The following RGS6 variants were observed in gnomAD, a reference collection of about 807,000 sequenced individuals.
RGS6 encodes the protein regulator of G protein signaling 6, also known as regulator of G-protein signaling 6.
RGS6 carries 30 observed loss-of-function variants against 78.5 expected under a neutral mutation model. That is an observed-to-expected ratio of 0.38 (90% CI 0.29 to 0.52). The LOEUF is 0.52. Among genes scored for constraint, RGS6 ranks in the 20% least tolerant of loss-of-function variants. RGS6 has a pLI of 0.85. For synonymous variants in RGS6, 206 were observed against 206.0 expected, an observed-to-expected ratio of 1.00 and a Z score of 0.00; for missense variants, 495 against 609.7, an observed-to-expected ratio of 0.81 and a Z score of 1.98.
chr14:72,041,185 CT>C (rs1407060676), intron 2 of RGS6, among the ~76,000 whole-genome samples: 2 of 152,136 alleles, frequency 1.3e-5, no homozygotes, highest in African/African-American at 2.4e-5. Context: ...TGAAAAACAA[CT>C]ACAACAACCA....
At chr14:71,947,114 A>G (rs1040152013) in intron 1 of RGS6, among the ~76,000 whole-genome samples, 7 of 152,132 alleles carry the variant, frequency 4.6e-5, no homozygotes, top group Non-Finnish European at 8.8e-5. Context: ...TTAGTGTACA[A>G]TTCTTATGCA....
chr14:72,346,033 A>C (rs1275142865), intron 2 of RGS6, among the ~76,000 whole-genome samples: 1 of 152,170 alleles, frequency 6.6e-6, no homozygotes, highest in East Asian at 1.9e-4. Flanking sequence ...CCAAAACAGA[A>C]GGGGTCTTTG....
intron 12 of RGS6, among the ~76,000 whole-genome samples, chr14:72,479,086 C>G (rs984766883): frequency 6.6e-6 from 1 of 152,158 alleles, no homozygotes; most frequent in Non-Finnish European, 1.5e-5. Flanking sequence ...TAAGTTGGGT[C>G]TTGGTATTTA....
upstream of RGS6, among the ~76,000 whole-genome samples, chr14:71,931,633 A>G (rs1312694785): frequency 6.6e-6 from 1 of 152,192 alleles, no homozygotes; most frequent in Non-Finnish European, 1.5e-5. Flanking sequence ...CTTGATATTG[A>G]TAGCATTGAT....
chr14:72,548,220 A>G (rs2097437352), intron 17 of RGS6, among the ~76,000 whole-genome samples: 1 of 152,028 alleles, frequency 6.6e-6, no homozygotes, highest in Non-Finnish European at 1.5e-5. Flanking sequence ...AAAGATCCAG[A>G]CCTCCAAAGT....
intron 2 of RGS6, among the ~76,000 whole-genome samples, chr14:72,188,544 C>T (rs750471498): frequency 2.0e-5 from 3 of 152,080 alleles, no homozygotes; most frequent in Non-Finnish European, 4.4e-5. Context: ...ACCAATAATC[C>T]CACTATTGTA....
At position 72,168,781 on chromosome 14, in the gene RGS6, G is replaced by T. The variant is rs146455749; in HGVS notation, c.85-183314G>T. ...GCTAGGACACATCTCCTGCTACCTTGGACCCCTTGCCCTGTGAGGAGGAGG... is the reference window on the plus strand; with the variant it reads ...GCTAGGACACATCTCCTGCTACCTTTGACCCCTTGCCCTGTGAGGAGGAGG... On this transcript the variant is annotated intron_variant, in intron 2 of 17. Coordinates refer to ENST00000553525, the MANE Select transcript of RGS6 (RefSeq NM_001204424.2). 1.2e-3 allele frequency among the ~76,000 whole-genome samples: 183 copies of T among 152,242 alleles called. 1 individual carries two copies. The highest frequency in any genetic ancestry group is 4.4e-3 in the African/African-American group (182 of 41,544).
At chr14:72,459,574 G>T (rs986789797) in intron 5 of RGS6, 58 bp from the exon 6 acceptor site, 12 of 1,564,252 alleles carry the variant, frequency 7.7e-6, no homozygotes, top group Non-Finnish European at 6.2e-6. Flanking sequence ...CCCTGGGTGT[G>T]GGAGGGAAGC....
intron 2 of RGS6, among the ~76,000 whole-genome samples, chr14:72,233,530 G>T (rs2283409): frequency 0.41 from 61,626 of 152,008 alleles, 13,501 homozygotes; most frequent in Middle Eastern, 0.6. Context: ...CACAGCCTCT[G>T]CATATGAAAT....
At chr14:72,260,794 G>A (rs1233483758) in intron 2 of RGS6, among the ~76,000 whole-genome samples, 1 of 152,198 alleles carries the variant, frequency 6.6e-6, no homozygotes, top group Non-Finnish European at 1.5e-5. Flanking sequence ...CCAACATACA[G>A]TATTTGATAG....
intron 2 of RGS6, among the ~76,000 whole-genome samples, chr14:72,146,491 A>T (rs906186583): frequency 2.6e-5 from 4 of 152,220 alleles, no homozygotes; most frequent in African/African-American, 9.6e-5. Context: ...TCAAGGCATG[A>T]TTCACCCTGA....
At chr14:71,958,606 CTTG>C (rs149595056) in intron 1 of RGS6, among the ~76,000 whole-genome samples, 19,589 of 152,078 alleles carry the variant, frequency 0.13, 1,541 homozygotes, top group East Asian at 0.19. Context: ...ACCCCAGAAC[CTTG>C]TTGTATCCAT....
chr14:72,615,576 T>C, the RGS6 span, among the ~76,000 whole-genome samples: 3,536 of 152,222 alleles, frequency 0.023, 147 homozygotes, highest in African/African-American at 0.081. Flanking sequence ...TCTTCCCCAG[T>C]TCTGGAGGAA....
chr14:72,410,471 C>T lies in RGS6; in HGVS notation c.185-44057C>T, dbSNP rs553999884. Among the ~76,000 whole-genome samples the T allele has an allele frequency of 5.3e-5, 8 of 152,220 alleles. No individual in the cohort carries two copies. The South Asian group carries it at 1.7e-3, about 32-fold the overall frequency. Reference sequence around the variant, plus strand: ...TCATTGTAGATTCTGGATATTAGCCCTTTGTCAGATGAATAGGTTGCAAAC... The same window carrying T: ...TCATTGTAGATTCTGGATATTAGCCTTTTGTCAGATGAATAGGTTGCAAAC... On this transcript the variant is annotated intron_variant, in intron 3 of 17. Transcript: ENST00000553525.
At chr14:72,332,863 G>C (rs946233434) in intron 2 of RGS6, among the ~76,000 whole-genome samples, 4 of 152,216 alleles carry the variant, frequency 2.6e-5, no homozygotes, top group Non-Finnish European at 4.4e-5. Context: ...AGAAGTCATA[G>C]AGATTGCAAG....
intron 2 of RGS6, among the ~76,000 whole-genome samples, chr14:72,203,376 C>T (rs2042008398): frequency 6.6e-6 from 1 of 152,190 alleles, no homozygotes; most frequent in Non-Finnish European, 1.5e-5. Flanking sequence ...TGTTAGTTAT[C>T]TATCGCTGTA....
rs558946790 is a variant in RGS6 at position 72,270,754 on chromosome 14, G to T, written c.85-81341G>T. On this transcript the variant is annotated intron_variant, in intron 2 of 17. Coordinates refer to ENST00000553525, the MANE Select transcript of RGS6 (RefSeq NM_001204424.2). ...TAAAGAATTTTATAATACATCAAAG[G>T]CCATGATTTTCTACCTTTCACGCAG... 7.0e-4 allele frequency among the ~76,000 whole-genome samples: 106 copies of T among 152,248 alleles called. 2 individuals carry two copies. Among genetic ancestry groups the T allele is most frequent in the East Asian group, 3.3e-3 (17 of 5,192 alleles).
intron 2 of RGS6, among the ~76,000 whole-genome samples, chr14:72,080,584 A>C (rs1174050819): frequency 6.6e-6 from 1 of 152,238 alleles, no homozygotes; most frequent in South Asian, 2.1e-4. Flanking sequence ...TGATCAAAAA[A>C]TTATTGCCCA....
At chr14:72,366,828 C>T (rs2082537007) in intron 3 of RGS6, among the ~76,000 whole-genome samples, 1 of 152,308 alleles carries the variant, frequency 6.6e-6, no homozygotes, top group African/African-American at 2.4e-5. Flanking sequence ...GGCAGAATGC[C>T]TGCCAGCCCC....
Sources: allele counts gnomAD v4.1 joint callset (sites outside exome capture counted in the v4.1 genomes callset), GRCh38; gene constraint gnomAD v4.1.1; transcripts MANE v1.5; gene names NCBI Gene and HGNC (gene_info 2026-07-23, HGNC 2026-07-21).